Variants in SPOCK1 observed in about 807,000 individuals in gnomAD.
SPOCK1 encodes the protein testican-1.
A neutral mutation model predicts 55.3 loss-of-function variants in SPOCK1; 23 were observed. That is an observed-to-expected ratio of 0.42 (90% CI 0.30 to 0.59). The LOEUF is 0.59. SPOCK1 is among the 20% of genes least tolerant of loss of function. SPOCK1 has a pLI of 0.22. For synonymous variants in SPOCK1, 226 were observed against 221.0 expected (o/e 1.02, Z -0.20); for missense variants, 499 against 552.5 (o/e 0.90, Z 0.97).
At chr5:137,316,373 A>G (rs1757881465) in intron 2 of SPOCK1, among the ~76,000 whole-genome samples, 1 of 152,212 alleles carries the variant, frequency 6.6e-6, no homozygotes, top group Non-Finnish European at 1.5e-5. Context: ...ATGTTCTAAA[A>G]AGAAGTTTGT....
chr5:137,139,491 G>C (rs149246724), intron 4 of SPOCK1, among the ~76,000 whole-genome samples: 1,728 of 152,228 alleles, frequency 0.011, 41 homozygotes, highest in African/African-American at 0.04. Flanking sequence ...TTCAGGAACA[G>C]AGGGAAGGGA....
intron 3 of SPOCK1, among the ~76,000 whole-genome samples, chr5:137,181,726 A>G (rs1754973836): frequency 6.6e-6 from 1 of 152,250 alleles, no homozygotes; most frequent in African/African-American, 2.4e-5. Context: ...GTAAACTCCC[A>G]GGGCAAATGC....
Position 137,259,838 on chromosome 5 carries a change from G to T in SPOCK1, c.232+7172C>A, listed in dbSNP as rs915647317. On this transcript the variant is annotated intron_variant, in intron 3 of 10. Coordinates refer to ENST00000394945, the MANE Select transcript of SPOCK1 (RefSeq NM_004598.4). ...CACAGTGTCCCATAGGATTCTGTAG[G>T]AAGAGACTTCTTTGGCCTTTTTTCT... 1.1e-4 allele frequency among the ~76,000 whole-genome samples: 16 copies of T among 152,192 alleles called. 1 individual carries two copies. Among genetic ancestry groups the T allele is most frequent in the East Asian group, 3.9e-4 (2 of 5,182 alleles).
intron 3 of SPOCK1, among the ~76,000 whole-genome samples, chr5:137,213,630 C>G (rs141551626): frequency 1.3e-5 from 2 of 152,298 alleles, no homozygotes; most frequent in East Asian, 3.9e-4. Flanking sequence ...CTGTCTTCAC[C>G]ACTCAATGAC....
Position 136,978,658 on chromosome 5 carries a change from C to A in SPOCK1, c.1316G>T (p.Trp439Leu). The A allele has an allele frequency of 6.2e-7, 1 of 1,603,256 alleles. No homozygotes were observed. The highest frequency in any genetic ancestry group is 8.5e-7 in the Non-Finnish European group (1 of 1,176,064). ...GTGTCCTCTTTCTTGTGGGCACTAC[C>A]ATATGTACCCGACCTCATCCTCTTT... ...DDKEDEVGYI[W>L] The change falls in exon 11 of 11, where the codon TGG becomes TTG. Residue 439 changes from tryptophan (W) to leucine (L), a missense_variant. Coordinates refer to ENST00000394945, the MANE Select transcript of SPOCK1 (RefSeq NM_004598.4).
chr5:137,481,759 G>A (rs866383936), intron 2 of SPOCK1, among the ~76,000 whole-genome samples: 2 of 152,236 alleles, frequency 1.3e-5, no homozygotes, highest in Non-Finnish European at 2.9e-5. Flanking sequence ...AAAGGATGGC[G>A]TCCTGCCAAG....
intron 2 of SPOCK1, among the ~76,000 whole-genome samples, chr5:137,442,111 C>T (rs140421212): frequency 4.1e-4 from 63 of 152,326 alleles, no homozygotes; most frequent in African/African-American, 1.5e-3. Context: ...TTGATCCATT[C>T]CTCCTGGGAC....
intron 2 of SPOCK1, among the ~76,000 whole-genome samples, chr5:137,404,028 T>A (rs1752041323): frequency 1.3e-5 from 2 of 152,126 alleles, no homozygotes; most frequent in African/African-American, 4.8e-5. Context: ...GGTAGATGTT[T>A]GTGTCAATCC....
chr5:137,128,104 T>C (rs1228981262), intron 4 of SPOCK1, among the ~76,000 whole-genome samples: 1 of 152,174 alleles, frequency 6.6e-6, no homozygotes, highest in African/African-American at 2.4e-5. Context: ...TGAATGGAAT[T>C]GGTGACCTCA....
chr5:137,499,266 C>T lies in SPOCK1; in HGVS notation c.-88G>A, dbSNP rs531095505. 3 of 152,124 alleles carry T rather than the reference C, an allele frequency of 2.0e-5. No homozygotes were observed. Among genetic ancestry groups the T allele is most frequent in the South Asian group, 4.1e-4 (2 of 4,826 alleles). 9.4% of individuals were successfully genotyped at this position (152,124 alleles called of 1,614,324 possible). A position where few individuals can be genotyped will look rare whatever the true frequency, so the allele number is the denominator to read the frequency against. On this transcript the variant is annotated 5_prime_UTR_variant, in exon 1 of 11. Coordinates refer to ENST00000394945, the MANE Select transcript of SPOCK1 (RefSeq NM_004598.4). ...GAAGGCTGATCGCCGGCTCGCGCCC[C>T]TGCGCTCCTGCCACACGCCGCCGCC...
intron 2 of SPOCK1, among the ~76,000 whole-genome samples, chr5:137,492,757 C>T (rs1754214691): frequency 6.6e-6 from 1 of 152,190 alleles, no homozygotes; most frequent in Non-Finnish European, 1.5e-5. Context: ...TGCCAGACTG[C>T]TCAGTTGCTT....
chr5:137,028,136 T>C, intron 6 of SPOCK1, among the ~76,000 whole-genome samples: 1 of 152,292 alleles, frequency 6.6e-6, no homozygotes, highest in East Asian at 1.9e-4. Context: ...AGCATCCAGC[T>C]GTCAGAGTGG....
At chr5:136,980,286 A>G (rs896133286) in intron 9 of SPOCK1, among the ~76,000 whole-genome samples, 1 of 151,978 alleles carries the variant, frequency 6.6e-6, no homozygotes, top group African/African-American at 2.4e-5. Context: ...TTGAATGGGT[A>G]CTACTGATAT....
chr5:137,220,436 C>G (rs188466104), intron 3 of SPOCK1, among the ~76,000 whole-genome samples: 185 of 152,284 alleles, frequency 1.2e-3, no homozygotes, highest in African/African-American at 4.3e-3. Flanking sequence ...TATTATCACA[C>G]GCAAGGAACT....
At chr5:137,114,363 C>G (rs976786162) in intron 4 of SPOCK1, among the ~76,000 whole-genome samples, 1 of 152,240 alleles carries the variant, frequency 6.6e-6, no homozygotes, top group East Asian at 1.9e-4. Context: ...AGGGATGTGT[C>G]TCTCTTCTTT....
At chr5:136,995,953 G>T (rs563228097) in intron 6 of SPOCK1, among the ~76,000 whole-genome samples, 2 of 152,180 alleles carry the variant, frequency 1.3e-5, no homozygotes, top group Non-Finnish European at 2.9e-5. Context: ...GTCTTCAACC[G>T]AATGGTCTGT....
intron 3 of SPOCK1, among the ~76,000 whole-genome samples, chr5:137,147,060 A>G (rs1754209950): frequency 6.6e-6 from 1 of 152,188 alleles, no homozygotes; most frequent in African/African-American, 2.4e-5. Context: ...CAAAGATAAA[A>G]GCATCTTCTC....
chr5:137,150,135 G>A (rs1754291097), intron 3 of SPOCK1, among the ~76,000 whole-genome samples: 1 of 152,144 alleles, frequency 6.6e-6, no homozygotes, highest in Admixed American at 6.5e-5. Flanking sequence ...CCATAATTCT[G>A]TTCAGTCTTT....
At chr5:137,206,651 T>G (rs1427681386) in intron 3 of SPOCK1, among the ~76,000 whole-genome samples, 1 of 152,264 alleles carries the variant, frequency 6.6e-6, no homozygotes, top group African/African-American at 2.4e-5. Context: ...ATTTAGGAAA[T>G]GCTAATTGTA....
Sources: allele counts gnomAD v4.1 joint callset (sites outside exome capture counted in the v4.1 genomes callset), GRCh38; gene constraint gnomAD v4.1.1; transcripts MANE v1.5; gene names NCBI Gene and HGNC (gene_info 2026-07-23, HGNC 2026-07-21).